Variants in PTPRK observed in about 807,000 individuals in gnomAD.
The protein encoded by PTPRK is protein tyrosine phosphatase receptor type K, also known as receptor-type tyrosine-protein phosphatase kappa.
PTPRK carries 75 observed loss-of-function variants against 178.0 expected under a neutral mutation model. The ratio of observed to expected loss-of-function variants is 0.42; its 90% CI spans 0.35 to 0.51. The LOEUF (loss-of-function observed/expected upper bound fraction) is 0.51. Among genes scored for constraint, PTPRK ranks in the 20% least tolerant of loss-of-function variants. The pLI, the probability that PTPRK is intolerant of heterozygous loss-of-function variation, is 0.02. For synonymous variants in PTPRK, 637 were observed against 620.6 expected, an observed-to-expected ratio of 1.03 and a Z score of -0.39; for missense variants, 1,441 against 1,797.8, an observed-to-expected ratio of 0.80 and a Z score of 3.59.
At chr6:128,175,443 T>C (rs776591669) in intron 7 of PTPRK, among the ~76,000 whole-genome samples, 10 of 151,796 alleles carry the variant, frequency 6.6e-5, no homozygotes, top group Non-Finnish European at 1.3e-4. Context: ...TAGCGGGAGT[T>C]AGTCCAAACT....
At chr6:128,025,478 C>A (rs189790895) in intron 13 of PTPRK, among the ~76,000 whole-genome samples, 2 of 152,192 alleles carry the variant, frequency 1.3e-5, no homozygotes, top group African/African-American at 4.8e-5. Flanking sequence ...CAAATAAGAT[C>A]AAATGCTGAC....
Position 127,981,200 on chromosome 6 carries a change from G to T in PTPRK, c.3627C>A (p.Asp1209Glu). The change falls in exon 25 of 30, where the codon GAC becomes GAA. Residue 1209 changes from aspartate to glutamate, a missense_variant. Around this residue, in one of 4 missense-constraint regions of PTPRK, gnomAD observed 335 missense variants for 512.4 expected, o/e 0.65. Transcript: ENST00000368226. The part of the protein sequence containing the change: ...PRNHDKNRFM[D>E]MLPPDRCLPF... ...GCAGACATCTGTCAGGTGGCAGCAT[G>T]TCCATGAAACGGTTCTTGTCATGGT... is the stretch of plus-strand genomic sequence containing the variant. 1 of 1,613,930 alleles carries T rather than the reference G, an allele frequency of 6.2e-7. No individual in the cohort carries two copies. The highest frequency in any genetic ancestry group is 8.5e-7 in the Non-Finnish European group (1 of 1,179,930).
chr6:128,122,252 T>C (rs1792595322), intron 7 of PTPRK, among the ~76,000 whole-genome samples: 1 of 152,078 alleles, frequency 6.6e-6, no homozygotes, highest in Admixed American at 6.6e-5. Flanking sequence ...TGTGTGCATG[T>C]ATAGGGGTGG....
intron 3 of PTPRK, among the ~76,000 whole-genome samples, chr6:128,249,455 G>A (rs542899594): frequency 4.1e-4 from 62 of 152,170 alleles, no homozygotes; most frequent in African/African-American, 1.5e-3. Flanking sequence ...GCAAGTTGAT[G>A]AACTAGCTAA....
chr6:128,192,929 AG>A (rs1245278766), intron 6 of PTPRK, among the ~76,000 whole-genome samples: 1 of 143,078 alleles, frequency 7.0e-6, no homozygotes, highest in African/African-American at 2.6e-5. Context: ...AGAAAGGGAG[AG>A]GGGGAAGGAG....
chr6:128,126,494 T>C (rs1793399553), intron 7 of PTPRK, among the ~76,000 whole-genome samples: 1 of 152,136 alleles, frequency 6.6e-6, no homozygotes, highest in Non-Finnish European at 1.5e-5. Flanking sequence ...GTTTTTGTTT[T>C]TGTTTTTCTT....
chr6:128,103,407 C>T (rs905763843), intron 7 of PTPRK, among the ~76,000 whole-genome samples: 1 of 152,160 alleles, frequency 6.6e-6, no homozygotes, highest in Non-Finnish European at 1.5e-5. Context: ...AAGCCATCTG[C>T]AGATGGCAGA....
At chr6:128,483,144 A>G (rs192729562) in intron 1 of PTPRK, among the ~76,000 whole-genome samples, 1 of 152,344 alleles carries the variant, frequency 6.6e-6, no homozygotes, top group East Asian at 1.9e-4. Context: ...TGAGCAAAGT[A>G]GTACCTTATT....
rs76237493 is a variant in PTPRK at position 128,354,557 on chromosome 6, G to A, written c.224-32247C>T. ...GCCTCCTTTACATGTTTAATGTTAC[G>A]ATATATCTCACACATTCTAAATTTG... On this transcript the variant is annotated intron_variant, in intron 2 of 29. Transcript: ENST00000368226. Among the ~76,000 whole-genome samples, 29 of 152,178 alleles carry A rather than the reference G, an allele frequency of 1.9e-4. No homozygotes were observed. In the East Asian group the frequency reaches 5.4e-3, roughly 28 times the overall value.
chr6:128,386,583 G>T (rs2128360604), intron 2 of PTPRK, among the ~76,000 whole-genome samples: 1 of 152,288 alleles, frequency 6.6e-6, no homozygotes, highest in Admixed American at 6.5e-5. Context: ...AAAAGAAGAA[G>T]AAACCAAGTT....
intron 1 of PTPRK, among the ~76,000 whole-genome samples, chr6:128,431,447 A>G (rs1034636724): frequency 6.6e-6 from 1 of 152,196 alleles, no homozygotes; most frequent in East Asian, 1.9e-4. Context: ...CCAGATTCCA[A>G]TCTCTCCAGC....
At chr6:128,136,534 T>C (rs1031100483) in intron 7 of PTPRK, among the ~76,000 whole-genome samples, 4 of 152,308 alleles carry the variant, frequency 2.6e-5, no homozygotes, top group African/African-American at 7.2e-5. Context: ...TCTTCAACTT[T>C]AGCTTTTTAA....
intron 3 of PTPRK, among the ~76,000 whole-genome samples, chr6:128,270,566 A>G (rs1583815615): frequency 6.6e-6 from 1 of 152,182 alleles, no homozygotes; most frequent in African/African-American, 2.4e-5. Context: ...CAAAGTAAGC[A>G]TATTCCATTA....
intron 2 of PTPRK, among the ~76,000 whole-genome samples, chr6:128,348,195 C>G (rs1832672461): frequency 6.6e-6 from 1 of 151,798 alleles, no homozygotes; most frequent in African/African-American, 2.4e-5. Context: ...TTATATAAAA[C>G]ACAAATAAAT....
chr6:128,272,928 T>G (rs1462381814), intron 3 of PTPRK, among the ~76,000 whole-genome samples: 2 of 152,232 alleles, frequency 1.3e-5, no homozygotes, highest in Admixed American at 1.3e-4. Flanking sequence ...ATTGTGGCAC[T>G]ATTCACAATA....
At position 128,300,698 on chromosome 6, in the gene PTPRK, TGG is replaced by T. The variant is rs1440353565; in HGVS notation, c.495+21339_495+21340del. On this transcript the variant is annotated intron_variant, in intron 3 of 29. Coordinates refer to ENST00000368226, the MANE Select transcript of PTPRK (RefSeq NM_002844.4). ...ACACAGGAAGGGGAACATCACAGTA[TGG>T]GGACTGTTGTGGGGTGGGGGGAGGG... Among the ~76,000 whole-genome samples, 5 of 88,206 alleles carry T rather than the reference TGG, an allele frequency of 5.7e-5. No homozygotes were observed. In the East Asian group the frequency reaches 1.4e-3, roughly 25 times the overall value. 57.9% of individuals were successfully genotyped at this position (88,206 alleles called of 152,430 possible). A position where few individuals can be genotyped will look rare whatever the true frequency, so the allele number is the denominator to read the frequency against.
At chr6:128,369,977 A>C (rs1264381738) in intron 2 of PTPRK, among the ~76,000 whole-genome samples, 1 of 152,116 alleles carries the variant, frequency 6.6e-6, no homozygotes, top group Non-Finnish European at 1.5e-5. Flanking sequence ...TTATGGTCTA[A>C]ATAAACATTT....
At chr6:128,429,911 C>CT (rs1388335938) in intron 1 of PTPRK, among the ~76,000 whole-genome samples, 1 of 152,038 alleles carries the variant, frequency 6.6e-6, no homozygotes, top group Non-Finnish European at 1.5e-5. Context: ...TAATTTTAAA[C>CT]TATAGGCATT....
rs777572122 is a variant in PTPRK at position 128,005,108 on chromosome 6, C to G, written c.2470G>C (p.Asp824His). 1 of 1,609,502 alleles carries G rather than the reference C, an allele frequency of 6.2e-7. No homozygotes were observed. Among genetic ancestry groups the G allele is most frequent in the Non-Finnish European group, 8.5e-7 (1 of 1,177,274 alleles). ...AEDPLSITFM[D>H]QHNFSPRYEN... Reference sequence around the variant, plus strand: ...CATCTTGGACTAAAGTTATGTTGGTCCATGAAGGTGATGGAAAGAGGATCT... The same window carrying G: ...CATCTTGGACTAAAGTTATGTTGGTGCATGAAGGTGATGGAAAGAGGATCT... The change falls in exon 15 of 30, where the codon GAC (aspartate) becomes CAC (histidine). Residue 824 changes from aspartate (D) to histidine (H), a missense_variant. Transcript: ENST00000368226.
Sources: gnomAD v4.1 joint callset for allele counts (sites outside exome capture counted in the v4.1 genomes callset) on GRCh38, gnomAD v4.1.1 for gene constraint, gnomAD v4.1.1 regional missense constraint, MANE v1.5 for transcripts, NCBI Gene and HGNC (gene_info 2026-07-23, HGNC 2026-07-21) for gene names.